Variants in PDE3B observed in about 807,000 individuals in gnomAD.
PDE3B encodes the protein cGMP-inhibited 3',5'-cyclic phosphodiesterase 3B.
PDE3B carries 66 observed loss-of-function variants against 116.8 expected under a neutral mutation model. That is an observed-to-expected ratio of 0.56 (90% CI 0.46 to 0.69). The LOEUF (loss-of-function observed/expected upper bound fraction) is 0.69, where lower values mean the gene tolerates loss of function less well. Ranked by LOEUF, PDE3B falls within the 30% of genes least tolerant of loss-of-function variation. The pLI is 0.00. For synonymous variants in PDE3B, 595 were observed against 533.6 expected (o/e 1.12, Z -1.59); for missense variants, 1,384 against 1,368.1 (o/e 1.01, Z -0.18).
intron 1 of PDE3B, among the ~76,000 whole-genome samples, chr11:14,742,982 C>T (rs905489191): frequency 1.3e-5 from 2 of 152,096 alleles, no homozygotes; most frequent in Non-Finnish European, 2.9e-5. Flanking sequence ...CCAGAGCTCT[C>T]CTGTATGAGG....
intron 5 of PDE3B, among the ~76,000 whole-genome samples, chr11:14,816,937 G>T (rs1859350288): frequency 6.6e-6 from 1 of 152,118 alleles, no homozygotes; most frequent in African/African-American, 2.4e-5. Context: ...CCATTACTGG[G>T]TATATACCCA....
intron 1 of PDE3B, among the ~76,000 whole-genome samples, chr11:14,731,255 A>ATTTTTTT (rs778089171): frequency 1.1e-4 from 13 of 121,104 alleles, no homozygotes; most frequent in African/African-American, 2.5e-4. Context: ...TTTTACTTTG[A>ATTTTTTT]TTTTTTTTTT....
At chr11:14,689,130 TGTCATAA>T (rs1263402486) in intron 1 of PDE3B, among the ~76,000 whole-genome samples, 1 of 152,192 alleles carries the variant, frequency 6.6e-6, no homozygotes. Flanking sequence ...AATCTGGATT[TGTCATAA>T]GTCCTATGAT....
intron 1 of PDE3B, among the ~76,000 whole-genome samples, chr11:14,744,425 A>C (rs982926733): frequency 3.9e-5 from 6 of 152,152 alleles, no homozygotes; most frequent in African/African-American, 1.4e-4. Context: ...CATGAATGTG[A>C]ATGTTTTTCC....
chr11:14,680,822 C>T (rs1437655509), intron 1 of PDE3B, among the ~76,000 whole-genome samples: 2 of 149,340 alleles, frequency 1.3e-5, no homozygotes, highest in African/African-American at 4.9e-5. Context: ...GTTGAGTCTT[C>T]CAATCCATGG....
At chr11:14,669,629 A>G (rs1240730241) in intron 1 of PDE3B, among the ~76,000 whole-genome samples, 3 of 102,810 alleles carry the variant, frequency 2.9e-5, no homozygotes, top group African/African-American at 1.1e-4. Flanking sequence ...ACCCCACGAC[A>G]GGCCCCATTG....
At chr11:14,704,840 A>G (rs1855481654) in intron 1 of PDE3B, among the ~76,000 whole-genome samples, 1 of 151,690 alleles carries the variant, frequency 6.6e-6, no homozygotes. Flanking sequence ...CACAAACCAT[A>G]AAAGAAAAAA....
chr11:14,733,642 G>A (rs1856520613), intron 1 of PDE3B, among the ~76,000 whole-genome samples: 1 of 152,292 alleles, frequency 6.6e-6, no homozygotes, highest in South Asian at 2.1e-4. Context: ...CTTTCATGAA[G>A]TTAGATACAG....
Position 14,843,140 on chromosome 11 carries a change from A to G in PDE3B, c.2321-687A>G, listed in dbSNP as rs111594140. Among the ~76,000 whole-genome samples the G allele has an allele frequency of 5.1e-3, 779 of 152,366 alleles. 9 individuals are homozygous for G. Among genetic ancestry groups the G allele is most frequent in the African/African-American group, 0.018 (751 of 41,598 alleles). ...AAAGCCACCAAAAAAGAAGAAATCA[A>G]TGGTAAGATATTAAGACACCAGAAG... is the stretch of plus-strand genomic sequence containing the variant. On this transcript the variant is annotated intron_variant, in intron 11 of 15. Transcript: ENST00000282096.
intron 1 of PDE3B, chr11:14,700,674 G>A (rs528867735): frequency 6.6e-6 from 1 of 151,822 alleles, no homozygotes; most frequent in South Asian, 2.1e-4. Context: ...ATGTTCAAGT[G>A]GCAGTAGGTG....
At position 14,730,717 on chromosome 11, in the gene PDE3B, C is replaced by T. The variant is rs146548397; in HGVS notation, c.979-41220C>T. ...TAAACATAGTATTCTATCCCTTCTT[C>T]TGAAAGATATATCAACATTTCCCTA... On this transcript the variant is annotated intron_variant, in intron 1 of 15. Coordinates refer to ENST00000282096, the MANE Select transcript of PDE3B (RefSeq NM_000922.4). Among the ~76,000 whole-genome samples, 290 of 152,278 alleles carry T rather than the reference C, an allele frequency of 1.9e-3. 1 individual carries two copies. The highest frequency in any genetic ancestry group is 6.4e-3 in the African/African-American group (266 of 41,572).
At chr11:14,718,448 C>A (rs1855980968) in intron 1 of PDE3B, among the ~76,000 whole-genome samples, 2 of 147,562 alleles carry the variant, frequency 1.4e-5, no homozygotes, top group African/African-American at 5.1e-5. Context: ...AACTCTCCAC[C>A]CCAAATCAAC....
the PDE3B span, chr11:14,877,794 A>G: frequency 4.3e-6 from 1 of 235,080 alleles, no homozygotes; most frequent in Non-Finnish European, 8.2e-6. Flanking sequence ...CAGAAGGCAG[A>G]TGGAGTCAAG....
chr11:14,803,765 T>A (rs1858838914), intron 4 of PDE3B, among the ~76,000 whole-genome samples, 179 bp from the exon 5 acceptor site: 1 of 152,212 alleles, frequency 6.6e-6, no homozygotes, highest in African/African-American at 2.4e-5. Flanking sequence ...GCCAAAAGTA[T>A]TTACCATCAG....
intron 4 of PDE3B, among the ~76,000 whole-genome samples, chr11:14,800,993 C>T (rs967939080): frequency 6.6e-6 from 1 of 152,014 alleles, no homozygotes; most frequent in Non-Finnish European, 1.5e-5. Flanking sequence ...CTGTGTTTTT[C>T]AGCTCCATCA....
chr11:14,842,332 C>T (rs2133972626), intron 11 of PDE3B, among the ~76,000 whole-genome samples: 1 of 152,148 alleles, frequency 6.6e-6, no homozygotes, highest in Admixed American at 6.5e-5. Flanking sequence ...CATATATAAG[C>T]TAATGTTTTA....
rs1044809377 is a variant in PDE3B at position 14,739,066 on chromosome 11, G to A, written c.979-32871G>A. ...CTCCAGCTTTGTTCTTTTTGCTTAGGATTGACTTGGCTATGCAGGCCCTTT... is the reference window on the plus strand; with the variant it reads ...CTCCAGCTTTGTTCTTTTTGCTTAGAATTGACTTGGCTATGCAGGCCCTTT... On this transcript the variant is annotated intron_variant, in intron 1 of 15. Transcript: ENST00000282096. Among the ~76,000 whole-genome samples, 6 of 152,296 alleles carry A rather than the reference G, an allele frequency of 3.9e-5. No individual in the cohort carries two copies. In the East Asian group the frequency reaches 1.2e-3, roughly 29 times the overall value.
chr11:14,662,645 G>A (rs954417174), intron 1 of PDE3B, among the ~76,000 whole-genome samples: 2 of 152,198 alleles, frequency 1.3e-5, no homozygotes, highest in South Asian at 2.1e-4. Context: ...CAAGGCTCGA[G>A]AACTACGTGA....
chr11:14,826,868 A>T (rs1859709631), intron 7 of PDE3B, among the ~76,000 whole-genome samples: 1 of 152,174 alleles, frequency 6.6e-6, no homozygotes, highest in Admixed American at 6.5e-5. Context: ...CACAAGAAAA[A>T]AACAAAACCT....
Sources: allele counts gnomAD v4.1 joint callset (sites outside exome capture counted in the v4.1 genomes callset), GRCh38; gene constraint gnomAD v4.1.1; transcripts MANE v1.5; gene names NCBI Gene and HGNC (gene_info 2026-07-23, HGNC 2026-07-21).